SH3D21: variants seen among roughly 807,000 people sequenced by gnomAD.
SH3D21 encodes the protein manchette microtubule inner protein 1, also known as SH3 domain-containing protein 21.
In SH3D21, 83 loss-of-function variants were observed where a neutral mutation model predicts 82.1. The ratio of observed to expected loss-of-function variants is 1.01; its 90% CI spans 0.85 to 1.21. The LOEUF (loss-of-function observed/expected upper bound fraction) is 1.21. SH3D21 is among the 50% of genes most tolerant of loss of function. SH3D21 has a pLI of 0.00. For missense variants in SH3D21, 980 were observed against 962.1 expected (o/e 1.02, Z -0.25); for synonymous variants, 383 against 387.8 (o/e 0.99, Z 0.15).
In SH3D21 at chr1:36,306,659, G is replaced by T; in HGVS notation, c.66G>T (p.Gly22=). ...QKEDELSLAP[G]DVVRQVRWVP... The stretch of plus-strand genomic sequence containing the variant: ...AGGACGAGCTGAGTCTGGCGCCCGG[G>T]GACGTGGTCCGGCAGGTGCGCTGGG... Residue 22 remains glycine (G), a synonymous_variant, in exon 2 of 16, where the codon GGG becomes GGT. Coordinates refer to ENST00000453908, the MANE Select transcript of SH3D21 (RefSeq NM_001162530.2). The surrounding 1 kb of genome is among the most constrained non-coding windows in gnomAD (Gnocchi z 4.5). The T allele has an allele frequency of 7.7e-7, 1 of 1,300,506 alleles. No homozygotes were observed. The highest frequency in any genetic ancestry group is 1.2e-5 in the South Asian group (1 of 80,888). The allele number at this position is 1,300,506 out of a possible 1,614,324, so 80.6% of individuals were successfully genotyped here. A position where few individuals can be genotyped will look rare whatever the true frequency, so the allele number is the denominator to read the frequency against.
At position 36,319,975 on chromosome 1, in the gene SH3D21, A is replaced by T; in HGVS notation, c.1312A>T (p.Thr438Ser). 3 of 1,613,900 alleles carry T rather than the reference A, an allele frequency of 1.9e-6. No homozygotes were observed. Among genetic ancestry groups the T allele is most frequent in the Non-Finnish European group, 2.5e-6 (3 of 1,179,964 alleles). ...AGAGAACTCCATCATCCCAGAGGAG[A>T]CCCTGACTGTGGACAAACCCTCCAC... ...IPENSIIPEE[T>S]LTVDKPSTPE... is the part of the protein sequence containing the mutation. The change falls in exon 14 of 16, where the codon ACC (threonine) becomes TCC (serine). Residue 438 changes from threonine to serine, a missense_variant. Coordinates refer to ENST00000453908, the MANE Select transcript of SH3D21 (RefSeq NM_001162530.2).
rs1570369079 is a variant in SH3D21 at position 36,307,091 on chromosome 1, T to G, written c.227-76T>G. On this transcript the variant is annotated intron_variant, in intron 3 of 15. Transcript: ENST00000453908. The surrounding 1 kb of genome is among the most constrained non-coding windows in gnomAD (Gnocchi z 5.4). ...GGGGCTGGAGGGACCAAAGGCTACGTGCGCGCCTTGCGCTTCCCCCAGCTC... is the reference window on the plus strand; with the variant it reads ...GGGGCTGGAGGGACCAAAGGCTACGGGCGCGCCTTGCGCTTCCCCCAGCTC... 20 of 1,538,428 alleles carry G rather than the reference T, an allele frequency of 1.3e-5. No individual in the cohort carries two copies. The highest frequency in any genetic ancestry group is 1.2e-5 in the South Asian group (1 of 81,980).
chr1:36,307,903 C>T lies in SH3D21; in HGVS notation c.493-15C>T. 1 of 1,551,718 alleles carries T rather than the reference C, an allele frequency of 6.4e-7. No homozygotes were observed. Among genetic ancestry groups the T allele is most frequent in the Non-Finnish European group, 8.7e-7 (1 of 1,146,984 alleles). ...GGAGGCTCATCTAGTTCCTCCCTGC[C>T]CCTTCCCCCACTAGCTGAGCAGCCT... On this transcript the variant is annotated splice_polypyrimidine_tract_variant and intron_variant, in intron 6 of 15. Coordinates refer to ENST00000453908, the MANE Select transcript of SH3D21 (RefSeq NM_001162530.2). The surrounding 1 kb of genome is among the most constrained non-coding windows in gnomAD (Gnocchi z 5.4).
intron 10 of SH3D21, among the ~76,000 whole-genome samples, chr1:36,316,202 T>G (rs1395787850): frequency 6.7e-6 from 1 of 149,308 alleles, no homozygotes; most frequent in East Asian, 2.0e-4. Flanking sequence ...AGAAGAAGAC[T>G]TCTTCCAGCG....
chr1:36,323,232 C>T (rs1419379191), downstream of SH3D21, among the ~76,000 whole-genome samples: 1 of 152,230 alleles, frequency 6.6e-6, no homozygotes, highest in Non-Finnish European at 1.5e-5. Context: ...AACCCCTCTC[C>T]CGGGCGCGGA....
downstream of SH3D21, chr1:36,327,820 G>A (rs74385763): frequency 5.9e-3 from 7,544 of 1,285,994 alleles, 335 homozygotes; most frequent in African/African-American, 0.1. Flanking sequence ...GAAGGTCCCT[G>A]AAACCTTTGG....
chr1:36,313,934 T>TGCATTTC (rs1267171455), intron 10 of SH3D21, among the ~76,000 whole-genome samples: 1 of 150,812 alleles, frequency 6.6e-6, no homozygotes, highest in Non-Finnish European at 1.5e-5. Flanking sequence ...GGCTTTGATT[T>TGCATTTC]GCATTTCTCT....
downstream of SH3D21, chr1:36,324,598 G>GT (rs1479644246): frequency 6.6e-6 from 1 of 152,204 alleles, no homozygotes; most frequent in Non-Finnish European, 1.5e-5. Context: ...CCTGAGGCCT[G>GT]TGGGCCAGCG....
Position 36,319,850 on chromosome 1 carries a change from C to G in SH3D21, c.1187C>G (p.Ala396Gly). The G allele has an allele frequency of 6.2e-7, 1 of 1,613,942 alleles. No homozygotes were observed. Among genetic ancestry groups the G allele is most frequent in the African/African-American group, 1.3e-5 (1 of 75,006 alleles). Residue 396 changes from alanine to glycine, a missense_variant, in exon 14 of 16, where the codon GCC (alanine) becomes GGC (glycine). By Grantham distance (60) the Ala-to-Gly change is moderately conservative. Coordinates refer to ENST00000453908, the MANE Select transcript of SH3D21 (RefSeq NM_001162530.2). ...AAGACCCTCACTCTAGGGGACAAGG[C>G]CTCTATCCCAGGGAACTCCACCTCG... ...PEKTLTLGDK[A>G]SIPGNSTSGK...
downstream of SH3D21, chr1:36,322,209 C>G: frequency 2.9e-6 from 4 of 1,394,844 alleles, no homozygotes; most frequent in South Asian, 4.6e-5. Flanking sequence ...GCTGTGGGGG[C>G]CGAGGCAGTC....
chr1:36,307,986 CCCCACT>C lies in SH3D21; in HGVS notation c.538+27_538+32del. The C allele has an allele frequency of 6.4e-7, 1 of 1,551,578 alleles. No homozygotes were observed. The highest frequency in any genetic ancestry group is 1.2e-5 in the South Asian group (1 of 84,054). On this transcript the variant is annotated intron_variant, in intron 7 of 15. Coordinates refer to ENST00000453908, the MANE Select transcript of SH3D21 (RefSeq NM_001162530.2). The surrounding 1 kb of genome is among the most constrained non-coding windows in gnomAD (Gnocchi z 5.4). ...CAGGTGAGCACCCATCCAAAGGGTC[CCCCACT>C]CCCTCAGCCACTCCCAAGGTTGTGA...
chr1:36,318,768 G>A (rs1348836928), intron 10 of SH3D21, among the ~76,000 whole-genome samples: 3 of 151,982 alleles, frequency 2.0e-5, no homozygotes, highest in Non-Finnish European at 2.9e-5. Context: ...AATTAGCCGG[G>A]TGTGGTGGAG....
intron 10 of SH3D21, among the ~76,000 whole-genome samples, chr1:36,315,381 G>A (rs1204953279): frequency 1.3e-5 from 2 of 151,904 alleles, no homozygotes; most frequent in Admixed American, 6.6e-5. Flanking sequence ...AAGGAGTCTC[G>A]CTCTGTCTCC....
chr1:36,307,720 G>T lies in SH3D21; in HGVS notation c.437-50G>T. 1 of 1,545,658 alleles carries T rather than the reference G, an allele frequency of 6.5e-7. No homozygotes were observed. ...TGTGACCCCTCTGACCCTCTCCCAT[G>T]ACCTAACCTGTGAATTAGCACCCTC... is the stretch of plus-strand genomic sequence containing the variant. On this transcript the variant is annotated intron_variant, in intron 5 of 15. Coordinates refer to ENST00000453908, the MANE Select transcript of SH3D21 (RefSeq NM_001162530.2). This position sits in a 1 kb window ranked among gnomAD's most constrained non-coding sequence, Gnocchi z 5.4.
At chr1:36,313,804 A>T (rs1317489797) in intron 10 of SH3D21, among the ~76,000 whole-genome samples, 1 of 151,370 alleles carries the variant, frequency 6.6e-6, no homozygotes, top group Non-Finnish European at 1.5e-5. Flanking sequence ...TGCTCAAGTG[A>T]TCCTCCTGCC....
At chr1:36,321,525 GC>G, downstream of SH3D21, 1 of 765,342 alleles carries the variant, frequency 1.3e-6, no homozygotes, top group Non-Finnish European at 1.7e-6. This position sits in a 1 kb window ranked among gnomAD's most constrained non-coding sequence, Gnocchi z 6.1. Flanking sequence ...GAGGAGCCGG[GC>G]GGGCCTTCTC....
chr1:36,329,867 G>A (rs1247133266), downstream of SH3D21, among the ~76,000 whole-genome samples: 1 of 152,020 alleles, frequency 6.6e-6, no homozygotes, highest in Non-Finnish European at 1.5e-5. Flanking sequence ...AGAGTGTTAG[G>A]GTCACCCCGA....
chr1:36,319,733 A>T lies in SH3D21; in HGVS notation c.1070A>T (p.Asp357Val). 2 of 1,597,834 alleles carry T rather than the reference A, an allele frequency of 1.3e-6. No individual in the cohort carries two copies. Among genetic ancestry groups the T allele is most frequent in the South Asian group, 2.3e-5 (2 of 88,688 alleles). ...APSVKRTPMP[D>V]KTATPERPPA... ...TCTGTGAAGAGAACCCCCATGCCGG[A>T]CAAGACTGCCACCCCAGAGAGGCCC... The change falls in exon 14 of 16, where the codon GAC (aspartate) becomes GTC (valine). Residue 357 changes from aspartate (D) to valine (V), a missense_variant. Coordinates refer to ENST00000453908, the MANE Select transcript of SH3D21 (RefSeq NM_001162530.2).
chr1:36,322,379 G>C (rs776521072), downstream of SH3D21: 3 of 1,593,506 alleles, frequency 1.9e-6, no homozygotes, highest in Non-Finnish European at 2.5e-6. Context: ...CCGGCTGCCC[G>C]GTGCGCCAGA....
Sources: allele counts gnomAD v4.1 joint callset (sites outside exome capture counted in the v4.1 genomes callset), GRCh38; gene constraint gnomAD v4.1.1; non-coding constraint Gnocchi (gnomAD v3.1); transcripts MANE v1.5; gene names NCBI Gene and HGNC (gene_info 2026-07-23, HGNC 2026-07-21).